IFNAR2: variants seen among roughly 807,000 people sequenced by gnomAD.
IFNAR2 encodes the protein interferon alpha and beta receptor subunit 2, also known as interferon alpha/beta receptor 2.
Under a neutral mutation model 49.4 loss-of-function variants are expected in IFNAR2, and 30 were observed. The observed-to-expected ratio is 0.61, with a 90% CI of 0.45 to 0.82. The LOEUF (loss-of-function observed/expected upper bound fraction) is 0.82, where lower values mean the gene tolerates loss of function less well. IFNAR2 is among the 40% of genes least tolerant of loss of function. The pLI is 0.00. For missense variants in IFNAR2, 600 were observed against 622.7 expected, an observed-to-expected ratio of 0.96 and a Z score of 0.39; for synonymous variants, 224 against 234.5, an observed-to-expected ratio of 0.96 and a Z score of 0.41.
At chr21:33,259,790 ATCTAACAGTGTTTTT>A (rs2123527449) in intron 7 of IFNAR2, among the ~76,000 whole-genome samples, 1 of 152,330 alleles carries the variant, frequency 6.6e-6, no homozygotes, top group Admixed American at 6.5e-5. Flanking sequence ...ACCCTGTGCT[ATCTAACAGTGTTTTT>A]ACTGAACTAT....
At chr21:33,253,758 C>T (rs1335708815) in intron 7 of IFNAR2, among the ~76,000 whole-genome samples, 6 of 152,110 alleles carry the variant, frequency 3.9e-5, no homozygotes, top group African/African-American at 1.2e-4. Flanking sequence ...CTTTTTAGAC[C>T]ATGTAGGGTA....
chr21:33,260,226 G>C (rs970417163), intron 7 of IFNAR2, among the ~76,000 whole-genome samples: 1 of 152,154 alleles, frequency 6.6e-6, no homozygotes, highest in Admixed American at 6.5e-5. Flanking sequence ...TGCCCGCAGC[G>C]CATGCTAACC....
At chr21:33,242,116 T>C in intron 2 of IFNAR2, 139 bp downstream of exon 2, 1 of 676,430 alleles carries the variant, frequency 1.5e-6, no homozygotes, top group Non-Finnish European at 2.5e-6. Context: ...AGGAGTTAAG[T>C]GGAAAGCAAA....
Position 33,262,348 on chromosome 21 carries a change from A to G in IFNAR2, c.841-445A>G, listed in dbSNP as rs373519148. Reference sequence around the variant, plus strand: ...TACTGCACTCCAGCCTGGGCAACAGAGCGAGACTCCCGTCTCAAAAAAAAA... The same window carrying G: ...TACTGCACTCCAGCCTGGGCAACAGGGCGAGACTCCCGTCTCAAAAAAAAA... On this transcript the variant is annotated intron_variant, in intron 8 of 8. Coordinates refer to ENST00000342136, the MANE Select transcript of IFNAR2 (RefSeq NM_001289125.3). Among the ~76,000 whole-genome samples the G allele has an allele frequency of 8.5e-4, 116 of 136,680 alleles. 2 individuals carry two copies. In the East Asian group the frequency reaches 0.017, roughly 21 times the overall value. 89.7% of individuals were successfully genotyped at this position (136,680 alleles called of 152,430 possible). A position where few individuals can be genotyped will look rare whatever the true frequency, so the allele number is the denominator to read the frequency against.
At chr21:33,232,699 T>C (rs1170154493) in intron 1 of IFNAR2, among the ~76,000 whole-genome samples, 2 of 152,128 alleles carry the variant, frequency 1.3e-5, no homozygotes, top group African/African-American at 4.8e-5. Flanking sequence ...TACTTTGCTT[T>C]TTTCTTTTCT....
At chr21:33,239,460 C>T (rs1986744673) in intron 1 of IFNAR2, among the ~76,000 whole-genome samples, 1 of 152,224 alleles carries the variant, frequency 6.6e-6, no homozygotes. Flanking sequence ...ATGTTGTGAG[C>T]TACAGGTTCT....
chr21:33,239,840 A>G (rs56368433), intron 1 of IFNAR2, among the ~76,000 whole-genome samples: 79 of 82,150 alleles, frequency 9.6e-4, no homozygotes, highest in Non-Finnish European at 1.7e-3. Context: ...CACAGCCCTC[A>G]ATGTTGTGAG....
At position 33,263,565 on chromosome 21, in the gene IFNAR2, A is replaced by T. The variant is rs919560712; in HGVS notation, c.*65A>T. Reference sequence around the variant, plus strand: ...ACAGGGTTCTTTGTCTCTGCATCCTAACTTGCTGCCTTATCGTCTGCAAGT... The same window carrying T: ...ACAGGGTTCTTTGTCTCTGCATCCTTACTTGCTGCCTTATCGTCTGCAAGT... On this transcript the variant is annotated 3_prime_UTR_variant, in exon 9 of 9. Coordinates refer to ENST00000342136, the MANE Select transcript of IFNAR2 (RefSeq NM_001289125.3). 23 of 1,465,492 alleles carry T rather than the reference A, an allele frequency of 1.6e-5. No homozygotes were observed. In the East Asian group the frequency reaches 5.0e-4, roughly 32 times the overall value. The allele number at this position is 1,465,492 out of a possible 1,614,324, so 90.8% of individuals were successfully genotyped here.
At position 33,260,764 on chromosome 21, in the gene IFNAR2, CTTTG is replaced by C. The variant is rs753261594; in HGVS notation, c.840+41_840+44del. On this transcript the variant is annotated intron_variant, in intron 8 of 8. Transcript: ENST00000342136. ...TTTTGTTTTGTTTTGTTTTTTCTAT[CTTTG>C]TTTTTTATTTTAACTTAAGAATTTG... 7 of 1,332,864 alleles carry C rather than the reference CTTTG, an allele frequency of 5.3e-6. No individual in the cohort carries two copies. The East Asian group carries it at 1.8e-4, about 35-fold the overall frequency. The allele number at this position is 1,332,864 out of a possible 1,614,324, so 82.6% of individuals were successfully genotyped here. A position where few individuals can be genotyped will look rare whatever the true frequency, so the allele number is the denominator to read the frequency against.
At chr21:33,232,554 T>TA (rs931000609) in intron 1 of IFNAR2, among the ~76,000 whole-genome samples, 1 of 150,708 alleles carries the variant, frequency 6.6e-6, no homozygotes, top group Non-Finnish European at 1.5e-5. Context: ...TTCTCAAGTT[T>TA]AAAAAAAAAT....
At chr21:33,260,975 T>G in intron 8 of IFNAR2, among the ~76,000 whole-genome samples, 1 of 151,676 alleles carries the variant, frequency 6.6e-6, no homozygotes, top group East Asian at 1.9e-4. Flanking sequence ...GTTAGTTACA[T>G]ATATATACAT....
At chr21:33,243,634 TA>T (rs1325974111) in intron 2 of IFNAR2, 38 bp from the exon 3 acceptor site, 2 of 1,574,148 alleles carry the variant, frequency 1.3e-6, no homozygotes, top group Non-Finnish European at 1.7e-6. Context: ...TGAGCCCAGA[TA>T]AAACTATTGC....
Position 33,263,292 on chromosome 21 carries a change from T to C in IFNAR2, c.1340T>C (p.Leu447Pro). 1.9e-6 allele frequency: 3 copies of C among 1,614,218 alleles called. No homozygotes were observed. The highest frequency in any genetic ancestry group is 2.5e-6 in the Non-Finnish European group (3 of 1,180,036). ...DEDSDDLEAP[L>P]MLSSHLEEMV... ...GACAGTGACGACTTAGAAGCCCCTC[T>C]GATGCTATCGTCTCATCTGGAAGAG... is the stretch of plus-strand genomic sequence containing the variant. The change falls in exon 9 of 9, where the codon CTG becomes CCG. Residue 447 changes from leucine (L) to proline (P), a missense_variant. Coordinates refer to ENST00000342136, the MANE Select transcript of IFNAR2 (RefSeq NM_001289125.3).
At chr21:33,233,844 C>A (rs1031865067) in intron 1 of IFNAR2, among the ~76,000 whole-genome samples, 2 of 151,066 alleles carry the variant, frequency 1.3e-5, no homozygotes, top group Non-Finnish European at 2.9e-5. Flanking sequence ...AGAAGTAATA[C>A]ATCTATAGAA....
chr21:33,230,300 C>T lies in IFNAR2; in HGVS notation c.-84+84C>T, dbSNP rs1339167969. 19 of 1,071,278 alleles carry T rather than the reference C, an allele frequency of 1.8e-5. No homozygotes were observed. In the Middle Eastern group the frequency reaches 1.7e-3, roughly 96 times the overall value. 66.4% of individuals were successfully genotyped at this position (1,071,278 alleles called of 1,614,324 possible). A position where few individuals can be genotyped will look rare whatever the true frequency, so the allele number is the denominator to read the frequency against. On this transcript the variant is annotated intron_variant, in intron 1 of 8. Transcript: ENST00000342136. This position sits in a 1 kb window ranked among gnomAD's most constrained non-coding sequence, Gnocchi z 5.5. ...AACGCCGCCTCCCTGCAGCGGTTCC[C>T]GGAATCCCCTCCGGTTCCCTCTCGC... is the stretch of plus-strand genomic sequence containing the variant.
chr21:33,235,197 C>A (rs187809804), intron 1 of IFNAR2, among the ~76,000 whole-genome samples: 16 of 152,328 alleles, frequency 1.1e-4, no homozygotes, highest in Admixed American at 2.6e-4. Flanking sequence ...TTCTTTACTG[C>A]GTCCTGTCTT....
chr21:33,243,011 A>G (rs564132336), intron 2 of IFNAR2, among the ~76,000 whole-genome samples: 1 of 151,368 alleles, frequency 6.6e-6, no homozygotes, highest in East Asian at 2.0e-4. Flanking sequence ...CTGGTCTCAC[A>G]TTGCTGACCT....
At chr21:33,240,094 T>G (rs1444877314) in intron 1 of IFNAR2, among the ~76,000 whole-genome samples, 1 of 152,194 alleles carries the variant, frequency 6.6e-6, no homozygotes, top group East Asian at 1.9e-4. Context: ...CTCAATGTTG[T>G]GAGCTGCAGA....
intron 1 of IFNAR2, among the ~76,000 whole-genome samples, chr21:33,239,245 G>A (rs542840386): frequency 4.6e-4 from 70 of 152,228 alleles, no homozygotes; most frequent in African/African-American, 1.6e-3. Context: ...GCTTCTGGTT[G>A]TGTTCAGCCG....
Sources: allele counts gnomAD v4.1 joint callset (sites outside exome capture counted in the v4.1 genomes callset), GRCh38; gene constraint gnomAD v4.1.1; non-coding constraint Gnocchi (gnomAD v3.1); transcripts MANE v1.5; gene names NCBI Gene and HGNC (gene_info 2026-07-23, HGNC 2026-07-21).